The following AGBL1 variants were observed in gnomAD, a reference collection of about 807,000 sequenced individuals.
The protein encoded by AGBL1 is AGBL carboxypeptidase 1.
AGBL1 carries 130 observed loss-of-function variants against 118.9 expected under a neutral mutation model. The ratio of observed to expected loss-of-function variants is 1.09; its 90% CI spans 0.95 to 1.26. The LOEUF (loss-of-function observed/expected upper bound fraction) is 1.26, where lower values mean the gene tolerates loss of function less well. Ranked by LOEUF, AGBL1 falls within the 50% of genes most tolerant of loss-of-function variation. The probability of loss-of-function intolerance (pLI) is 0.00; values close to 1 mark genes in which losing one functional copy is unlikely to be tolerated. For synonymous variants in AGBL1, 555 were observed against 478.9 expected, an observed-to-expected ratio of 1.16 and a Z score of -2.08; for missense variants, 1,584 against 1,298.1, an observed-to-expected ratio of 1.22 and a Z score of -3.38.
At chr15:86,990,133 G>T (rs967195588) in intron 24 of AGBL1, among the ~76,000 whole-genome samples, 1 of 152,156 alleles carries the variant, frequency 6.6e-6, no homozygotes, top group South Asian at 2.1e-4. Flanking sequence ...GATAGAAAGC[G>T]TATAAGAAAG....
chr15:86,633,619 A>C (rs1338260060), intron 21 of AGBL1, among the ~76,000 whole-genome samples: 1 of 151,810 alleles, frequency 6.6e-6, no homozygotes, highest in Non-Finnish European at 1.5e-5. Flanking sequence ...GGAATGAATT[A>C]ATCCCAAGGG....
chr15:86,649,705 T>TTTG (rs755721052), intron 21 of AGBL1, among the ~76,000 whole-genome samples: 1 of 150,248 alleles, frequency 6.7e-6, no homozygotes, highest in African/African-American at 2.5e-5. Context: ...TAATTTGGGT[T>TTTG]TTTTTTCTTT....
chr15:86,285,411 G>A (rs1882388829), intron 16 of AGBL1, among the ~76,000 whole-genome samples: 1 of 152,020 alleles, frequency 6.6e-6, no homozygotes, highest in Non-Finnish European at 1.5e-5. Context: ...CGTGTCGTGG[G>A]AATTAATTGA....
intron 22 of AGBL1, among the ~76,000 whole-genome samples, chr15:86,691,712 A>C (rs973614772): frequency 1.3e-5 from 2 of 152,156 alleles, no homozygotes; most frequent in Admixed American, 6.6e-5. Context: ...ACTATATTAA[A>C]CCGATTTGCT....
At chr15:86,974,033 C>T (rs1396466754) in intron 23 of AGBL1, among the ~76,000 whole-genome samples, 2 of 132,838 alleles carry the variant, frequency 1.5e-5, no homozygotes, top group African/African-American at 5.7e-5. Context: ...TAAATATAAA[C>T]ATATTTAATA....
At chr15:86,202,486 T>G (rs1440856021) in intron 5 of AGBL1, among the ~76,000 whole-genome samples, 2 of 152,190 alleles carry the variant, frequency 1.3e-5, no homozygotes, top group Non-Finnish European at 2.9e-5. Flanking sequence ...AGTTTCTTCA[T>G]AGTAAAATGA....
At chr15:86,775,080 C>G (rs547452032) in intron 22 of AGBL1, among the ~76,000 whole-genome samples, 3 of 152,308 alleles carry the variant, frequency 2.0e-5, no homozygotes, top group African/African-American at 7.2e-5. Context: ...GTGTTCAAAA[C>G]AGGCATGATT....
At chr15:86,984,292 T>A (rs1455127319) in intron 23 of AGBL1, among the ~76,000 whole-genome samples, 2 of 152,152 alleles carry the variant, frequency 1.3e-5, no homozygotes, top group African/African-American at 4.8e-5. Context: ...TTCGTAGATC[T>A]TCTTGGAAAT....
chr15:86,685,357 T>C (rs987864313), intron 22 of AGBL1, among the ~76,000 whole-genome samples: 1 of 152,094 alleles, frequency 6.6e-6, no homozygotes, highest in East Asian at 1.9e-4. Context: ...ATTCTATTTG[T>C]GGTGAGAGAT....
intron 22 of AGBL1, among the ~76,000 whole-genome samples, chr15:86,833,518 C>T (rs972323928): frequency 1.3e-5 from 2 of 152,064 alleles, no homozygotes; most frequent in African/African-American, 2.4e-5. Flanking sequence ...TTGCCTTTTG[C>T]CTCCAGTCAT....
At chr15:86,987,709 G>A (rs547909444) in intron 23 of AGBL1, among the ~76,000 whole-genome samples, 10 of 151,806 alleles carry the variant, frequency 6.6e-5, no homozygotes, top group African/African-American at 2.2e-4. Flanking sequence ...TCATAACTAC[G>A]GTACCATACA....
chr15:86,871,392 A>G (rs957227265), intron 22 of AGBL1, among the ~76,000 whole-genome samples: 1 of 152,232 alleles, frequency 6.6e-6, no homozygotes, highest in Non-Finnish European at 1.5e-5. Context: ...GAACTCCTTG[A>G]CCTGCCATGA....
At chr15:86,832,019 C>T (rs1162840774) in intron 22 of AGBL1, among the ~76,000 whole-genome samples, 1 of 152,198 alleles carries the variant, frequency 6.6e-6, no homozygotes, top group Non-Finnish European at 1.5e-5. Flanking sequence ...TGTAAGCTGC[C>T]AAGGCTTGGG....
intron 22 of AGBL1, among the ~76,000 whole-genome samples, chr15:86,856,793 G>A (rs1235147074): frequency 1.3e-5 from 2 of 152,210 alleles, no homozygotes; most frequent in African/African-American, 2.4e-5. Flanking sequence ...TACACGCTTA[G>A]ATATTTTGTT....
At chr15:87,024,896 A>T (rs552740018) in intron 24 of AGBL1, among the ~76,000 whole-genome samples, 4 of 152,122 alleles carry the variant, frequency 2.6e-5, no homozygotes, top group Non-Finnish European at 5.9e-5. Context: ...TGATCTCAAT[A>T]GATGCAGAAA....
intron 20 of AGBL1, among the ~76,000 whole-genome samples, chr15:86,547,789 T>G (rs2083605358): frequency 6.6e-6 from 1 of 152,154 alleles, no homozygotes; most frequent in East Asian, 1.9e-4. Context: ...CTTGTGAAAT[T>G]AGGAAGTTAA....
intron 24 of AGBL1, among the ~76,000 whole-genome samples, chr15:86,997,031 GAAGA>G (rs1281312065): frequency 4.0e-5 from 6 of 151,614 alleles, no homozygotes; most frequent in African/African-American, 7.3e-5. Context: ...CAAAAAATAA[GAAGA>G]AAGAAAAAAA....
At chr15:86,094,781 T>A (rs1053598407) in intron 1 of AGBL1, among the ~76,000 whole-genome samples, 1 of 152,208 alleles carries the variant, frequency 6.6e-6, no homozygotes, top group African/African-American at 2.4e-5. Context: ...ATATCAAATG[T>A]GTGAGGTGGT....
At chr15:86,149,066 C>T (rs889877231) in intron 3 of AGBL1, among the ~76,000 whole-genome samples, 2 of 152,110 alleles carry the variant, frequency 1.3e-5, no homozygotes, top group South Asian at 2.1e-4. Context: ...CTTTTACAGA[C>T]AAGAAAATGC....
Sources: allele counts gnomAD v4.1 joint callset (sites outside exome capture counted in the v4.1 genomes callset), GRCh38; gene constraint gnomAD v4.1.1; transcripts MANE v1.5; gene names NCBI Gene and HGNC (gene_info 2026-07-23, HGNC 2026-07-21).